The following DTHD1 variants were observed in gnomAD, a reference collection of about 807,000 sequenced individuals.
DTHD1 encodes the protein death domain containing 1.
A neutral mutation model predicts 74.8 loss-of-function variants in DTHD1; 59 were observed. The ratio of observed to expected loss-of-function variants is 0.79; its 90% CI spans 0.64 to 0.98. DTHD1 has a LOEUF of 0.98. Among genes scored for constraint, DTHD1 ranks in the 50% least tolerant of loss-of-function variants. The probability of loss-of-function intolerance (pLI) is 0.00; values close to 1 mark genes in which losing one functional copy is unlikely to be tolerated. For synonymous variants in DTHD1, 365 were observed against 371.1 expected (o/e 0.98, Z 0.19); for missense variants, 1,051 against 1,065.4 (o/e 0.99, Z 0.19).
At chr4:36,318,274 A>G (rs1757844026) in intron 8 of DTHD1, among the ~76,000 whole-genome samples, 1 of 152,214 alleles carries the variant, frequency 6.6e-6, no homozygotes, top group African/African-American at 2.4e-5. Flanking sequence ...AGTCAAAGAT[A>G]CAAGATGGAT....
At position 36,339,296 on chromosome 4, in the gene DTHD1, T is replaced by C. The variant is rs545709166; in HGVS notation, c.2398+127T>C. ...TCCAATCAAACAATCATTAACTTTA[T>C]TGGCCTAATAAATACTTATTTCCTG... On this transcript the variant is annotated intron_variant, in intron 9 of 9. Coordinates refer to ENST00000639862, the MANE Select transcript of DTHD1 (RefSeq NM_001170700.3). 5.2e-4 allele frequency: 323 copies of C among 624,874 alleles called. 1 individual carries two copies. In the African/African-American group the frequency reaches 5.3e-3, roughly 10 times the overall value. 38.7% of individuals were successfully genotyped at this position (624,874 alleles called of 1,614,324 possible).
At chr4:36,340,271 C>G (rs889792801) in intron 9 of DTHD1, among the ~76,000 whole-genome samples, 2 of 152,130 alleles carry the variant, frequency 1.3e-5, no homozygotes, top group Non-Finnish European at 2.9e-5. Context: ...GAAGACCCTA[C>G]AAGAAATTTG....
intron 3 of DTHD1, among the ~76,000 whole-genome samples, chr4:36,291,033 T>C (rs563675213): frequency 1.3e-5 from 2 of 152,384 alleles, no homozygotes; most frequent in African/African-American, 4.8e-5. Context: ...TGGACCCTTG[T>C]CTAAATTTAA....
chr4:36,287,613 A>C (rs13116437), intron 2 of DTHD1, among the ~76,000 whole-genome samples: 27,494 of 152,120 alleles, frequency 0.18, 3,001 homozygotes, highest in Non-Finnish European at 0.24. Context: ...ACAGTGTAAA[A>C]GTGTTCTCTT....
intron 8 of DTHD1, among the ~76,000 whole-genome samples, chr4:36,329,853 A>G (rs1758568653): frequency 6.6e-6 from 1 of 152,190 alleles, no homozygotes; most frequent in Non-Finnish European, 1.5e-5. Context: ...GGGTTCAGAG[A>G]TCTTGGCTGG....
intron 8 of DTHD1, among the ~76,000 whole-genome samples, chr4:36,322,173 AT>A (rs1269078422): frequency 6.6e-6 from 1 of 151,950 alleles, no homozygotes; most frequent in Non-Finnish European, 1.5e-5. Context: ...TCATTTGTAC[AT>A]TTCTTGCAGA....
intron 2 of DTHD1, among the ~76,000 whole-genome samples, chr4:36,289,870 G>C (rs1314974227): frequency 1.3e-5 from 2 of 151,362 alleles, no homozygotes; most frequent in African/African-American, 4.9e-5. Context: ...ATCTTTCTCA[G>C]CTTTTCTAAA....
At chr4:36,289,752 AAG>A (rs2109450947) in intron 2 of DTHD1, among the ~76,000 whole-genome samples, 1 of 152,292 alleles carries the variant, frequency 6.6e-6, no homozygotes, top group Non-Finnish European at 1.5e-5. Flanking sequence ...ATGGTTAAAA[AAG>A]AGTAAAATGA....
At chr4:36,339,193 C>T (rs924719529) in intron 9 of DTHD1, 24 bp downstream of exon 9, 17 of 1,493,914 alleles carry the variant, frequency 1.1e-5, no homozygotes, top group Non-Finnish European at 1.5e-5. Flanking sequence ...GCTTTGTCAT[C>T]ATTATAGTGC....
At chr4:36,327,749 G>A (rs1292665830) in intron 8 of DTHD1, among the ~76,000 whole-genome samples, 5 of 152,126 alleles carry the variant, frequency 3.3e-5, no homozygotes, top group Admixed American at 3.3e-4. Flanking sequence ...GACTGCTTTT[G>A]ATAATTTTTC....
chr4:36,312,585 T>TAAA (rs56071138), intron 7 of DTHD1, among the ~76,000 whole-genome samples: 2 of 144,896 alleles, frequency 1.4e-5, no homozygotes, highest in South Asian at 2.2e-4. Context: ...AAGGTGACAT[T>TAAA]AAAAAAAAAA....
intron 8 of DTHD1, among the ~76,000 whole-genome samples, chr4:36,327,123 C>T (rs1175067442): frequency 3.3e-5 from 5 of 152,004 alleles, no homozygotes; most frequent in African/African-American, 9.7e-5. Context: ...CCTGCCACCT[C>T]GCCTGACTAA....
At position 36,346,211 on chromosome 4, in the gene DTHD1, C is replaced by G. The variant is rs1485920892; in HGVS notation, c.*2387C>G. On this transcript the variant is annotated 3_prime_UTR_variant, in exon 10 of 10. Coordinates refer to ENST00000639862, the MANE Select transcript of DTHD1 (RefSeq NM_001170700.3). ...CACCTCCACATTTCATATACGCATA[C>G]ACTCATTAATATGCCTCCCCCACAG... is the stretch of plus-strand genomic sequence containing the variant. Among the ~76,000 whole-genome samples, 1 of 151,808 alleles carries G rather than the reference C, an allele frequency of 6.6e-6. No homozygotes were observed. The highest frequency in any genetic ancestry group is 1.5e-5 in the Non-Finnish European group (1 of 67,916).
At chr4:36,339,794 T>C (rs1273859740) in intron 9 of DTHD1, among the ~76,000 whole-genome samples, 1 of 152,224 alleles carries the variant, frequency 6.6e-6, no homozygotes, top group Admixed American at 6.5e-5. Flanking sequence ...TTATGAATGA[T>C]ATGAGTTTGC....
At chr4:36,329,936 T>G (rs907642909) in intron 8 of DTHD1, among the ~76,000 whole-genome samples, 1 of 152,218 alleles carries the variant, frequency 6.6e-6, no homozygotes, top group African/African-American at 2.4e-5. Context: ...TAGATGAAAT[T>G]GTTTTCCCAC....
intron 7 of DTHD1, among the ~76,000 whole-genome samples, chr4:36,313,075 A>T (rs1051113306): frequency 1.3e-5 from 2 of 152,134 alleles, no homozygotes; most frequent in Non-Finnish European, 2.9e-5. Flanking sequence ...AGCACTTTCA[A>T]TTTTTTAAAT....
In DTHD1 at chr4:36,293,634, A is replaced by G; in HGVS notation, c.1327A>G (p.Ser443Gly). Residue 443 changes from serine to glycine, a missense_variant, in exon 4 of 10, where the codon AGC becomes GGC. Physicochemically the swap from Ser to Gly is moderately conservative, Grantham distance 56 (BLOSUM62 0). Transcript: ENST00000639862. ...AAAGAAAGGCCTCGCTCTTAAGTCA[A>G]GCATGGATTCCCGAATATCCTTAAA... ...VTKKGLALKS[S>G]MDSRISLNYP... 1.3e-6 allele frequency: 2 copies of G among 1,549,446 alleles called. No homozygotes were observed. Among genetic ancestry groups the G allele is most frequent in the Non-Finnish European group, 1.7e-6 (2 of 1,145,430 alleles).
At chr4:36,308,692 C>A (rs532348346) in intron 7 of DTHD1, among the ~76,000 whole-genome samples, 199 bp downstream of exon 7, 1 of 152,194 alleles carries the variant, frequency 6.6e-6, no homozygotes, top group African/African-American at 2.4e-5. Context: ...AATGCATGTT[C>A]CTTTATGGGA....
chr4:36,329,549 C>G (rs1282839299), intron 8 of DTHD1, among the ~76,000 whole-genome samples: 4 of 152,146 alleles, frequency 2.6e-5, no homozygotes, highest in African/African-American at 9.7e-5. Context: ...AAAATGTTAT[C>G]TGTACAGTTT....
Sources: gnomAD v4.1 joint callset for allele counts (sites outside exome capture counted in the v4.1 genomes callset) on GRCh38, gnomAD v4.1.1 for gene constraint, MANE v1.5 for transcripts, NCBI Gene and HGNC (gene_info 2026-07-23, HGNC 2026-07-21) for gene names.